Variants in CDHR3 observed in about 807,000 individuals in gnomAD.
CDHR3 encodes cadherin-related family member 3.
Under a neutral mutation model 86.6 loss-of-function variants are expected in CDHR3, and 79 were observed. The observed-to-expected ratio is 0.91, with a 90% confidence interval of 0.76 to 1.10. CDHR3 has a LOEUF of 1.10. CDHR3 is among the 50% of genes least tolerant of loss of function. The pLI, the probability that CDHR3 is intolerant of heterozygous loss-of-function variation, is 0.00. For synonymous variants in CDHR3, 421 were observed against 402.4 expected, an observed-to-expected ratio of 1.05 and a Z score of -0.55; for missense variants, 1,081 against 1,077.6, an observed-to-expected ratio of 1.00 and a Z score of -0.04.
intron 4 of CDHR3, among the ~76,000 whole-genome samples, chr7:105,985,941 T>A (rs1176417444): frequency 6.6e-6 from 1 of 152,244 alleles, no homozygotes; most frequent in African/African-American, 2.4e-5. Flanking sequence ...TCTGCTACCA[T>A]CAGGAGCCTG....
intron 12 of CDHR3, 141 bp downstream of exon 12, chr7:106,018,213 GC>G (rs1835960573): frequency 1.5e-6 from 1 of 661,538 alleles, no homozygotes; most frequent in Non-Finnish European, 2.6e-6. Context: ...AAGTAAAGGT[GC>G]CCTGGGAAAT....
intron 1 of CDHR3, among the ~76,000 whole-genome samples, chr7:105,969,085 C>G (rs1177218684): frequency 9.1e-6 from 1 of 110,276 alleles, no homozygotes; most frequent in Non-Finnish European, 2.1e-5. Flanking sequence ...GAGACTCCGT[C>G]TCAAAATAAA....
At chr7:105,993,516 T>A (rs951569364) in intron 4 of CDHR3, among the ~76,000 whole-genome samples, 41 of 149,020 alleles carry the variant, frequency 2.8e-4, no homozygotes, top group African/African-American at 9.6e-4. Flanking sequence ...CAAAAAAAAA[T>A]ATAAAAAAAA....
intron 1 of CDHR3, among the ~76,000 whole-genome samples, chr7:105,964,458 T>C (rs1826548592): frequency 6.6e-6 from 1 of 152,060 alleles, no homozygotes. Context: ...CCTATTTTTT[T>C]CTTATCTAAC....
intron 13 of CDHR3, among the ~76,000 whole-genome samples, 163 bp from the exon 14 acceptor site, chr7:106,022,035 G>A (rs1039453046): frequency 6.6e-6 from 1 of 152,212 alleles, no homozygotes; most frequent in Non-Finnish European, 1.5e-5. Context: ...TGCAGTTAAA[G>A]CCTGTAGCAT....
At position 105,981,119 on chromosome 7, in the gene CDHR3, G is replaced by A; in HGVS notation, c.401G>A (p.Gly134Asp). The change falls in exon 3 of 19, where the codon GGC (glycine) becomes GAC (aspartate). Residue 134 changes from glycine (G) to aspartate (D), a missense_variant. Coordinates refer to ENST00000317716, the MANE Select transcript of CDHR3 (RefSeq NM_152750.5). ...GTGAACGAGCCACCTCAGTTTCAAG[G>A]CAACTTGGCAGAAGGTAGGATACAC... ...TDVNEPPQFQGNLAEGLHLYI... is the reference protein window; with the variant it reads ...TDVNEPPQFQDNLAEGLHLYI... 1 of 1,613,514 alleles carries A rather than the reference G, an allele frequency of 6.2e-7. No individual in the cohort carries two copies. Among genetic ancestry groups the A allele is most frequent in the Non-Finnish European group, 8.5e-7 (1 of 1,179,700 alleles).
At chr7:106,018,188 G>A (rs1192143261) in intron 12 of CDHR3, 116 bp downstream of exon 12, 9 of 740,274 alleles carry the variant, frequency 1.2e-5, no homozygotes, top group Non-Finnish European at 2.0e-5. Flanking sequence ...ACATCCTGCG[G>A]ATGTGGTGAG....
chr7:105,973,929 C>T (rs889763922), intron 1 of CDHR3, among the ~76,000 whole-genome samples: 1 of 152,072 alleles, frequency 6.6e-6, no homozygotes, highest in Non-Finnish European at 1.5e-5. Flanking sequence ...ATCTCACCAG[C>T]CTGGGTGACA....
chr7:105,984,115 A>C, intron 3 of CDHR3, 77 bp from the exon 4 acceptor site: 4 of 796,264 alleles, frequency 5.0e-6, no homozygotes, highest in Non-Finnish European at 7.8e-6. Flanking sequence ...TTGGTTGTGT[A>C]CAGCTGCCTT....
Position 106,017,920 on chromosome 7 carries a change from A to G in CDHR3, c.1501A>G (p.Thr501Ala), listed in dbSNP as rs1187589211. Residue 501 changes from threonine to alanine, a missense_variant, in exon 12 of 19, where the codon ACT (threonine) becomes GCT (alanine). Transcript: ENST00000317716. ...GAGCAGCCTCCTGTACTCCATCTCCACTGGAGGGGCCAGCCTCCAGTATCC... is the reference window on the plus strand; with the variant it reads ...GAGCAGCCTCCTGTACTCCATCTCCGCTGGAGGGGCCAGCCTCCAGTATCC... ...PQSSLLYSISTGGASLQYPNV... is the reference protein window; with the variant it reads ...PQSSLLYSISAGGASLQYPNV... 1 of 1,611,076 alleles carries G rather than the reference A, an allele frequency of 6.2e-7. No homozygotes were observed. Among genetic ancestry groups the G allele is most frequent in the Non-Finnish European group, 8.5e-7 (1 of 1,178,604 alleles).
intron 7 of CDHR3, among the ~76,000 whole-genome samples, chr7:106,002,514 A>G (rs1833352698): frequency 6.6e-6 from 1 of 152,156 alleles, no homozygotes; most frequent in Non-Finnish European, 1.5e-5. Context: ...TCTGGAATGA[A>G]GCTCTTATGA....
intron 1 of CDHR3, among the ~76,000 whole-genome samples, chr7:105,967,782 A>G (rs1385054174): frequency 2.0e-5 from 3 of 152,032 alleles, no homozygotes; most frequent in African/African-American, 4.8e-5. Flanking sequence ...CATATCCTTC[A>G]CCCACTTTTT....
At chr7:106,000,021 T>TG (rs993010758) in intron 6 of CDHR3, among the ~76,000 whole-genome samples, 7 of 152,234 alleles carry the variant, frequency 4.6e-5, no homozygotes, top group African/African-American at 1.7e-4. Context: ...TGGCCCAGCC[T>TG]GGGGGCGCTG....
intron 5 of CDHR3, among the ~76,000 whole-genome samples, chr7:105,995,558 C>T (rs1585653328): frequency 6.6e-6 from 1 of 152,104 alleles, no homozygotes; most frequent in Non-Finnish European, 1.5e-5. Context: ...CTTGTCGAGC[C>T]GGTGAAGTCC....
intron 1 of CDHR3, among the ~76,000 whole-genome samples, chr7:105,973,065 TCCCTA>T (rs1828219171): frequency 6.6e-6 from 1 of 152,160 alleles, no homozygotes; most frequent in East Asian, 1.9e-4. Context: ...CCTTCTACTG[TCCCTA>T]CCCACTCCGT....
intron 1 of CDHR3, among the ~76,000 whole-genome samples, chr7:105,970,085 T>C (rs1338936744): frequency 6.6e-6 from 1 of 152,128 alleles, no homozygotes; most frequent in Non-Finnish European, 1.5e-5. Flanking sequence ...CTAGAGAGAA[T>C]GAAGAGGTAG....
At chr7:106,006,167 G>T (rs1262028864) in intron 8 of CDHR3, among the ~76,000 whole-genome samples, 1 of 151,664 alleles carries the variant, frequency 6.6e-6, no homozygotes, top group African/African-American at 2.4e-5. Flanking sequence ...TCACTATCAC[G>T]AGAACAACTC....
At chr7:106,019,464 C>T (rs905108608) in intron 12 of CDHR3, among the ~76,000 whole-genome samples, 6 of 151,762 alleles carry the variant, frequency 4.0e-5, no homozygotes, top group Non-Finnish European at 5.9e-5. Flanking sequence ...AATTTATTCC[C>T]GGGCTCAGAA....
At chr7:106,001,732 A>C in intron 7 of CDHR3, 122 bp downstream of exon 7, 3 of 1,182,708 alleles carry the variant, frequency 2.5e-6, no homozygotes, top group Non-Finnish European at 2.4e-6. Context: ...GGATACCAAA[A>C]TCCACGTATG....
Sources: allele counts gnomAD v4.1 joint callset (sites outside exome capture counted in the v4.1 genomes callset), GRCh38; gene constraint gnomAD v4.1.1; transcripts MANE v1.5; gene names NCBI Gene and HGNC (gene_info 2026-07-23, HGNC 2026-07-21).